Variants in C7orf78 observed in about 807,000 individuals in gnomAD.
C7orf78 encodes the protein putative uncharacterized protein C7orf78.
At chr7:12,484,412 T>A in the C7orf78 span, among the ~76,000 whole-genome samples, 1 of 152,226 alleles carries the variant, frequency 6.6e-6, no homozygotes, top group African/African-American at 2.4e-5. Flanking sequence ...TTACCTAACA[T>A]CTTGACTAGT....
At chr7:12,517,959 A>G in the C7orf78 span, among the ~76,000 whole-genome samples, 1 of 151,736 alleles carries the variant, frequency 6.6e-6, no homozygotes, top group Admixed American at 6.6e-5. Context: ...TTGCTCTTTC[A>G]TGTTTTCTGT....
the C7orf78 span, among the ~76,000 whole-genome samples, chr7:12,496,069 G>A: frequency 1.3e-5 from 2 of 152,086 alleles, no homozygotes; most frequent in African/African-American, 2.4e-5. Flanking sequence ...GCAACTACAG[G>A]TGCCCGCCAC....
At chr7:12,525,627 C>A in the C7orf78 span, among the ~76,000 whole-genome samples, 2 of 152,048 alleles carry the variant, frequency 1.3e-5, no homozygotes, top group Non-Finnish European at 2.9e-5. Context: ...ATTGTTTATA[C>A]ACTATTTAAA....
the C7orf78 span, among the ~76,000 whole-genome samples, chr7:12,509,287 A>G: frequency 6.6e-6 from 1 of 152,214 alleles, no homozygotes; most frequent in African/African-American, 2.4e-5. Context: ...CTCTAGGATA[A>G]TTGCTTTTCT....
the C7orf78 span, among the ~76,000 whole-genome samples, chr7:12,521,943 A>T: frequency 6.6e-6 from 1 of 151,986 alleles, no homozygotes; most frequent in East Asian, 1.9e-4. Context: ...AATATGGCAT[A>T]GCCCTTTATA....
the C7orf78 span, among the ~76,000 whole-genome samples, chr7:12,487,444 G>A: frequency 5.9e-5 from 9 of 152,022 alleles, no homozygotes; most frequent in African/African-American, 7.2e-5. Context: ...AGTGCCTGGC[G>A]TCTGATCTCA....
the C7orf78 span, among the ~76,000 whole-genome samples, chr7:12,513,713 A>C: frequency 7.2e-5 from 11 of 152,324 alleles, no homozygotes; most frequent in African/African-American, 2.2e-4. Flanking sequence ...AAGAATGCCT[A>C]TTCTGGGCCG....
chr7:12,513,492 T>G, the C7orf78 span, among the ~76,000 whole-genome samples: 1 of 152,170 alleles, frequency 6.6e-6, no homozygotes, highest in Admixed American at 6.5e-5. Flanking sequence ...TTAAAAAAAT[T>G]TTCTTCTTTG....
At chr7:12,523,208 A>C in the C7orf78 span, 1 of 396,902 alleles carries the variant, frequency 2.5e-6, no homozygotes, top group Non-Finnish European at 4.4e-6. Context: ...AAGATCATCA[A>C]AACCAATTAA....
the C7orf78 span, among the ~76,000 whole-genome samples, chr7:12,521,481 T>C: frequency 6.6e-6 from 1 of 152,022 alleles, no homozygotes; most frequent in Non-Finnish European, 1.5e-5. Flanking sequence ...TTCTCCTTTA[T>C]TCCTTATTTT....
the C7orf78 span, among the ~76,000 whole-genome samples, chr7:12,499,948 A>G: frequency 3.1e-5 from 4 of 128,078 alleles, no homozygotes; most frequent in South Asian, 3.3e-4. Context: ...GCTCATCTAC[A>G]TGGAAACTGA....
the C7orf78 span, among the ~76,000 whole-genome samples, chr7:12,496,101 A>G: frequency 6.6e-6 from 1 of 151,980 alleles, no homozygotes. Context: ...AATTTTTTGT[A>G]TTTTTAGTAG....
chr7:12,528,474 G>C, the C7orf78 span, among the ~76,000 whole-genome samples: 1 of 144,102 alleles, frequency 6.9e-6, no homozygotes. Context: ...CACTCACTTT[G>C]GTAGAAAATG....
the C7orf78 span, among the ~76,000 whole-genome samples, chr7:12,514,992 G>A: frequency 6.6e-6 from 1 of 152,130 alleles, no homozygotes; most frequent in African/African-American, 2.4e-5. Context: ...TCTGCTCTTA[G>A]TCTGATGGAG....
chr7:12,486,857 T>A, the C7orf78 span: 1 of 151,930 alleles, frequency 6.6e-6, no homozygotes, highest in African/African-American at 2.4e-5. Context: ...AAAACTACTT[T>A]TCTAATATTA....
At chr7:12,494,317 G>A in the C7orf78 span, among the ~76,000 whole-genome samples, 1 of 152,122 alleles carries the variant, frequency 6.6e-6, no homozygotes, top group East Asian at 1.9e-4. Flanking sequence ...TGCTTGACCT[G>A]GTAAGTAAAT....
At chr7:12,529,903 C>T in the C7orf78 span, among the ~76,000 whole-genome samples, 132 of 152,340 alleles carry the variant, frequency 8.7e-4, no homozygotes, top group African/African-American at 3.1e-3. Context: ...AGCTCAGGGG[C>T]AGTTTTGCAG....
At chr7:12,536,009 T>C in the C7orf78 span, among the ~76,000 whole-genome samples, 1 of 152,296 alleles carries the variant, frequency 6.6e-6, no homozygotes, top group Middle Eastern at 3.4e-3. Context: ...CTATGGCTTT[T>C]CCAGGCACAC....
At chr7:12,514,938 C>T in the C7orf78 span, among the ~76,000 whole-genome samples, 1 of 152,188 alleles carries the variant, frequency 6.6e-6, no homozygotes, top group Non-Finnish European at 1.5e-5. Flanking sequence ...ACTCTGAACA[C>T]ATCATCCCAT....
Sources: gnomAD v4.1 joint callset for allele counts (sites outside exome capture counted in the v4.1 genomes callset) on GRCh38, gnomAD v4.1.1 for gene constraint, MANE v1.5 for transcripts, NCBI Gene and HGNC (gene_info 2026-07-23, HGNC 2026-07-21) for gene names.